Variants in RAB6A observed in about 807,000 individuals in gnomAD.
RAB6A encodes the protein RAB6A, member RAS oncogene family.
A neutral mutation model predicts 32.3 loss-of-function variants in RAB6A; 8 were observed. The observed-to-expected ratio is 0.25, with a 90% CI of 0.15 to 0.45. The LOEUF (loss-of-function observed/expected upper bound fraction) is 0.45, where lower values mean the gene tolerates loss of function less well. RAB6A is among the 20% of genes least tolerant of loss of function. The probability of loss-of-function intolerance (pLI) is 1.00; values close to 1 mark genes in which losing one functional copy is unlikely to be tolerated. For synonymous variants in RAB6A, 73 were observed against 82.1 expected (o/e 0.89, Z 0.60); for missense variants, 104 against 249.4 (o/e 0.42, Z 3.93).
chr11:73,744,194 C>T lies in RAB6A; in HGVS notation c.71-13371G>A, dbSNP rs563225133. ...TCTACTAAAAATACAAAAAATTAGC[C>T]GGGCATGGTGGTGGGCGCCTGTAGT... is the stretch of plus-strand genomic sequence containing the variant. On this transcript the variant is annotated intron_variant, in intron 1 of 7. Transcript: ENST00000336083. Among the ~76,000 whole-genome samples the T allele has an allele frequency of 2.2e-4, 34 of 151,694 alleles. No homozygotes were observed. The South Asian group carries it at 6.3e-3, about 28-fold the overall frequency.
chr11:73,739,263 T>TAAA (rs58629008), intron 1 of RAB6A, among the ~76,000 whole-genome samples: 12 of 9,380 alleles, frequency 1.3e-3, no homozygotes, highest in Admixed American at 4.5e-3. Context: ...TAATAATAAT[T>TAAA]AAAAAAAAAA....
intron 3 of RAB6A, 36 bp from the exon 4 acceptor site, chr11:73,718,754 A>G (rs1425988168): frequency 6.2e-7 from 1 of 1,614,016 alleles, no homozygotes; most frequent in Non-Finnish European, 8.5e-7. Context: ...CAAGAAAAAT[A>G]AGAAAGGTCA....
At chr11:73,744,511 CAAAAAAAAAA>C (rs555388622) in intron 1 of RAB6A, among the ~76,000 whole-genome samples, 12 of 63,744 alleles carry the variant, frequency 1.9e-4, no homozygotes, top group African/African-American at 8.0e-4. Flanking sequence ...ACCCTGTCTC[CAAAAAAAAAA>C]AAAAAAAAAA....
At chr11:73,713,581 A>C (rs1458733934) in intron 5 of RAB6A, among the ~76,000 whole-genome samples, 2 of 146,576 alleles carry the variant, frequency 1.4e-5, no homozygotes, top group South Asian at 2.2e-4. Context: ...AAAAAAAAAA[A>C]GAAAATACTG....
chr11:73,711,980 C>A (rs756108330), intron 5 of RAB6A, among the ~76,000 whole-genome samples: 1 of 152,134 alleles, frequency 6.6e-6, no homozygotes, highest in Non-Finnish European at 1.5e-5. Flanking sequence ...TTTTTCTTCT[C>A]TATTTTTAGA....
At chr11:73,709,029 T>C (rs142206451) in intron 5 of RAB6A, among the ~76,000 whole-genome samples, 1 of 152,328 alleles carries the variant, frequency 6.6e-6, no homozygotes, top group African/African-American at 2.4e-5. Flanking sequence ...ATATAAATTT[T>C]CTGAAACACT....
At chr11:73,697,320 TTC>T (rs1384974611) in intron 6 of RAB6A, among the ~76,000 whole-genome samples, 11 of 152,094 alleles carry the variant, frequency 7.2e-5, no homozygotes, top group African/African-American at 1.9e-4. Flanking sequence ...TACTTTATTT[TTC>T]TGTTTTTCTT....
intron 1 of RAB6A, among the ~76,000 whole-genome samples, chr11:73,759,387 C>CT (rs1350721967): frequency 2.6e-5 from 4 of 152,014 alleles, no homozygotes; most frequent in African/African-American, 7.2e-5. Context: ...AAATTAGGAT[C>CT]TAGTATCTAA....
intron 6 of RAB6A, among the ~76,000 whole-genome samples, chr11:73,705,029 TAATAAA>T (rs1210126691): frequency 1.1e-4 from 16 of 151,848 alleles, no homozygotes; most frequent in African/African-American, 3.6e-4. Flanking sequence ...ATAACAAAAA[TAATAAA>T]AATAAAATTG....
chr11:73,692,867 A>G (rs1276153164), intron 6 of RAB6A, among the ~76,000 whole-genome samples: 1 of 151,134 alleles, frequency 6.6e-6, no homozygotes, highest in Non-Finnish European at 1.5e-5. Context: ...AGGCTGAGGC[A>G]GGAGAATGGC....
chr11:73,714,192 C>CAA (rs71272251), intron 5 of RAB6A, among the ~76,000 whole-genome samples: 822 of 66,046 alleles, frequency 0.012, 23 homozygotes, highest in South Asian at 0.022. Flanking sequence ...AACTCCATCT[C>CAA]AAAAAAAAAA....
At chr11:73,744,511 C>CAAAAAAAAAAAAAAAAAAA (rs555388622) in intron 1 of RAB6A, among the ~76,000 whole-genome samples, 1 of 63,748 alleles carries the variant, frequency 1.6e-5, no homozygotes, top group African/African-American at 7.3e-5. Context: ...ACCCTGTCTC[C>CAAAAAAAAAAAAAAAAAAA]AAAAAAAAAA....
intron 1 of RAB6A, among the ~76,000 whole-genome samples, chr11:73,736,152 G>A (rs1051035531): frequency 6.6e-6 from 1 of 152,118 alleles, no homozygotes; most frequent in African/African-American, 2.4e-5. Flanking sequence ...TTTAAGGCCA[G>A]GTGCGGTGGC....
chr11:73,690,205 A>C (rs1238053119), intron 6 of RAB6A, among the ~76,000 whole-genome samples: 1 of 152,196 alleles, frequency 6.6e-6, no homozygotes. Flanking sequence ...GATTCATTCT[A>C]ATAAAAAGGG....
chr11:73,756,078 C>T (rs527668740), intron 1 of RAB6A, among the ~76,000 whole-genome samples: 1 of 152,046 alleles, frequency 6.6e-6, no homozygotes, highest in South Asian at 2.1e-4. Context: ...ACTGGCCAGG[C>T]GTGGTGGCTC....
intron 6 of RAB6A, among the ~76,000 whole-genome samples, chr11:73,699,989 G>A (rs1945715111): frequency 6.6e-6 from 1 of 152,162 alleles, no homozygotes; most frequent in African/African-American, 2.4e-5. Context: ...TCATTGACCT[G>A]TTAGAGCTGA....
intron 1 of RAB6A, among the ~76,000 whole-genome samples, chr11:73,751,091 C>A (rs1946663404): frequency 1.3e-5 from 2 of 152,092 alleles, no homozygotes; most frequent in Non-Finnish European, 2.9e-5. Context: ...AGGTGTGAGT[C>A]ACCATGCCCC....
intron 6 of RAB6A, among the ~76,000 whole-genome samples, chr11:73,701,414 G>A (rs1031815020): frequency 7.9e-5 from 12 of 152,162 alleles, no homozygotes; most frequent in African/African-American, 2.9e-4. Context: ...AGAAAGTCCT[G>A]AATACCAGCA....
chr11:73,723,383 T>A (rs991084585), intron 2 of RAB6A, among the ~76,000 whole-genome samples: 6 of 152,038 alleles, frequency 3.9e-5, no homozygotes, highest in African/African-American at 1.4e-4. Context: ...TGGAGTGCAG[T>A]GGGGTGATCT....
Sources: gnomAD v4.1 joint callset for allele counts (sites outside exome capture counted in the v4.1 genomes callset) on GRCh38, gnomAD v4.1.1 for gene constraint, MANE v1.5 for transcripts, NCBI Gene and HGNC (gene_info 2026-07-23, HGNC 2026-07-21) for gene names.